Variants in EXOC4 observed in about 807,000 individuals in gnomAD.
EXOC4 encodes exocyst complex component 4.
A neutral mutation model predicts 107.2 loss-of-function variants in EXOC4; 71 were observed. The observed-to-expected ratio is 0.66, with a 90% CI of 0.55 to 0.81. EXOC4 has a LOEUF of 0.81. Ranked by LOEUF, EXOC4 falls within the 30% of genes least tolerant of loss-of-function variation. EXOC4 has a pLI of 0.00. For synonymous variants in EXOC4, 456 were observed against 441.2 expected (o/e 1.03, Z -0.42); for missense variants, 1,108 against 1,189.6 (o/e 0.93, Z 1.01).
At chr7:133,349,933 T>C (rs1344945919) in intron 5 of EXOC4, among the ~76,000 whole-genome samples, 1 of 152,096 alleles carries the variant, frequency 6.6e-6, no homozygotes. Context: ...TTCCTAATGA[T>C]TAGTGATGTT....
At chr7:133,430,285 G>A (rs1451121407) in intron 7 of EXOC4, among the ~76,000 whole-genome samples, 1 of 152,168 alleles carries the variant, frequency 6.6e-6, no homozygotes, top group African/African-American at 2.4e-5. Context: ...TGCCAATGGA[G>A]TTTGGGGTTT....
intron 9 of EXOC4, chr7:133,576,394 G>A: frequency 2.0e-6 from 2 of 996,778 alleles, no homozygotes; most frequent in Non-Finnish European, 2.6e-6. Context: ...ATTTTAATCT[G>A]TTGTCTCCGT....
chr7:133,587,103 G>C (rs1221452395), intron 9 of EXOC4, among the ~76,000 whole-genome samples: 2 of 152,080 alleles, frequency 1.3e-5, no homozygotes, highest in African/African-American at 4.8e-5. Context: ...AGAAGTGCTG[G>C]GATTACAGCA....
At chr7:133,766,393 C>T (rs1436109623) in intron 10 of EXOC4, among the ~76,000 whole-genome samples, 2 of 151,974 alleles carry the variant, frequency 1.3e-5, no homozygotes, top group African/African-American at 4.8e-5. Flanking sequence ...GAAAGCAACT[C>T]GCTTTCTATT....
At chr7:133,920,726 CT>C (rs1193799684) in intron 13 of EXOC4, among the ~76,000 whole-genome samples, 2 of 152,052 alleles carry the variant, frequency 1.3e-5, no homozygotes, top group Non-Finnish European at 2.9e-5. Flanking sequence ...TTATTTTTAC[CT>C]TTGTTTATTC....
At chr7:133,589,751 A>G (rs770408910) in intron 9 of EXOC4, among the ~76,000 whole-genome samples, 1 of 152,076 alleles carries the variant, frequency 6.6e-6, no homozygotes, top group African/African-American at 2.4e-5. Flanking sequence ...TCACAAATGG[A>G]TGGGGATGGT....
chr7:134,003,333 TGGA>T (rs1794572006), intron 15 of EXOC4, among the ~76,000 whole-genome samples: 2 of 152,142 alleles, frequency 1.3e-5, no homozygotes, highest in African/African-American at 2.4e-5. Context: ...CAGGGAATTT[TGGA>T]GGAGATGTTT....
intron 2 of EXOC4, among the ~76,000 whole-genome samples, chr7:133,276,560 T>G (rs564623373): frequency 5.3e-5 from 8 of 152,198 alleles, no homozygotes; most frequent in Admixed American, 3.3e-4. Context: ...ATGTGATATT[T>G]TGCAGAATAC....
In EXOC4 at chr7:133,520,617, A is replaced by G. The variant is rs776925343; in HGVS notation, c.1417+40479A>G. Among the ~76,000 whole-genome samples the G allele has an allele frequency of 2.4e-4, 36 of 152,316 alleles. 1 individual carries two copies. The highest frequency in any genetic ancestry group is 1.2e-3 in the South Asian group (6 of 4,828). The stretch of plus-strand genomic sequence containing the variant: ...AATATTTGGTGGCTATTGAAGTCAC[A>G]TTACAAAATGCAGCTACCACACATT... On this transcript the variant is annotated intron_variant, in intron 9 of 17. Transcript: ENST00000253861.
At chr7:134,025,618 ACTGG>A (rs992728587) in intron 17 of EXOC4, among the ~76,000 whole-genome samples, 1 of 152,278 alleles carries the variant, frequency 6.6e-6, no homozygotes, top group African/African-American at 2.4e-5. Context: ...GGTGGGGACA[ACTGG>A]AAGCCTGGAC....
chr7:133,877,085 A>AT (rs999337015), intron 11 of EXOC4, among the ~76,000 whole-genome samples: 41 of 136,342 alleles, frequency 3.0e-4, no homozygotes, highest in Non-Finnish European at 3.4e-4. Flanking sequence ...TGACTCTCCT[A>AT]TTTTTTTTTT....
intron 9 of EXOC4, among the ~76,000 whole-genome samples, chr7:133,516,720 G>T (rs537573165): frequency 8.3e-6 from 1 of 121,022 alleles, no homozygotes; most frequent in African/African-American, 3.0e-5. Flanking sequence ...TGGTCATTCG[G>T]GGTTTATTCT....
chr7:133,530,167 G>C (rs751141596), intron 9 of EXOC4, among the ~76,000 whole-genome samples: 6 of 152,184 alleles, frequency 3.9e-5, no homozygotes, highest in South Asian at 2.1e-4. Context: ...CAGTTTAAGA[G>C]GTGGAAGTCG....
chr7:133,496,690 A>G (rs1799482800), intron 9 of EXOC4, among the ~76,000 whole-genome samples: 1 of 152,000 alleles, frequency 6.6e-6, no homozygotes, highest in Non-Finnish European at 1.5e-5. Context: ...TTTTTATTGC[A>G]TGTTTCTTAC....
chr7:133,629,874 A>C (rs1802547680), intron 9 of EXOC4, among the ~76,000 whole-genome samples, 171 bp from the exon 10 acceptor site: 1 of 152,092 alleles, frequency 6.6e-6, no homozygotes, highest in Non-Finnish European at 1.5e-5. Flanking sequence ...TGTTTATTCA[A>C]GTGAGGAAGA....
At chr7:133,707,588 G>A (rs2151092991) in intron 10 of EXOC4, among the ~76,000 whole-genome samples, 1 of 151,910 alleles carries the variant, frequency 6.6e-6, no homozygotes, top group Admixed American at 6.6e-5. Flanking sequence ...GCTTATTTCT[G>A]AACAATATTT....
intron 7 of EXOC4, among the ~76,000 whole-genome samples, chr7:133,465,352 G>T (rs1798702218): frequency 6.6e-6 from 1 of 152,122 alleles, no homozygotes; most frequent in African/African-American, 2.4e-5. Context: ...AAGAGTGAAA[G>T]TAGAAATAAC....
chr7:133,747,516 A>G (rs1331787392), intron 10 of EXOC4, among the ~76,000 whole-genome samples: 1 of 152,168 alleles, frequency 6.6e-6, no homozygotes, highest in African/African-American at 2.4e-5. Flanking sequence ...GAAGACTAAT[A>G]TTATAGTATA....
intron 9 of EXOC4, among the ~76,000 whole-genome samples, chr7:133,622,303 C>G (rs2151007291): frequency 6.6e-6 from 1 of 151,670 alleles, no homozygotes; most frequent in South Asian, 2.1e-4. Flanking sequence ...GTAGGAGAAA[C>G]AGAATAGGTG....
Sources: gnomAD v4.1 joint callset for allele counts (sites outside exome capture counted in the v4.1 genomes callset) on GRCh38, gnomAD v4.1.1 for gene constraint, MANE v1.5 for transcripts, NCBI Gene and HGNC (gene_info 2026-07-23, HGNC 2026-07-21) for gene names.